Variants in TCERG1L observed in about 807,000 individuals in gnomAD.
The protein encoded by TCERG1L is transcription elongation regulator 1 like.
A neutral mutation model predicts 56.3 loss-of-function variants in TCERG1L; 37 were observed. That is an observed-to-expected ratio of 0.66 (90% CI 0.51 to 0.87). The LOEUF is 0.87. TCERG1L is among the 40% of genes least tolerant of loss of function. The probability of loss-of-function intolerance (pLI) is 0.00; values close to 1 mark genes in which losing one functional copy is unlikely to be tolerated. For missense variants in TCERG1L, 799 were observed against 774.2 expected (o/e 1.03, Z -0.38); for synonymous variants, 324 against 326.3 (o/e 0.99, Z 0.08).
chr10:131,137,735 A>G (rs1845691783), intron 7 of TCERG1L, among the ~76,000 whole-genome samples: 1 of 152,352 alleles, frequency 6.6e-6, no homozygotes, highest in South Asian at 2.1e-4. Flanking sequence ...TGTTTTGAAT[A>G]GTTTCAACAT....
At position 131,181,721 on chromosome 10, in the gene TCERG1L, C is replaced by T. The variant is rs544876222; in HGVS notation, c.857-14836G>A. 6.2e-4 allele frequency among the ~76,000 whole-genome samples: 94 copies of T among 152,350 alleles called. No individual in the cohort carries two copies. The South Asian group carries it at 0.013, about 20-fold the overall frequency. On this transcript the variant is annotated intron_variant, in intron 4 of 11. Transcript: ENST00000368642. ...GGGCCAGGAGCAGGGAGAGGCTCTC[C>T]GTGTCCCCCCTCGCCTCCTGAGCAC...
At chr10:131,220,672 G>C (rs1845721295) in intron 4 of TCERG1L, among the ~76,000 whole-genome samples, 1 of 152,178 alleles carries the variant, frequency 6.6e-6, no homozygotes, top group Admixed American at 6.5e-5. Context: ...GTAGAGAAGG[G>C]CTTGCCTGAG....
chr10:131,248,526 G>T (rs1163399599), intron 4 of TCERG1L, among the ~76,000 whole-genome samples: 1 of 152,050 alleles, frequency 6.6e-6, no homozygotes, highest in Non-Finnish European at 1.5e-5. Context: ...GTACCTTCCC[G>T]TAGCCTTGCC....
intron 3 of TCERG1L, among the ~76,000 whole-genome samples, chr10:131,306,638 A>C (rs1304172703): frequency 1.3e-5 from 2 of 152,092 alleles, no homozygotes; most frequent in Non-Finnish European, 2.9e-5. Flanking sequence ...AAATATATAC[A>C]CCTACTATGT....
rs138924982 is a variant in TCERG1L, at chr10:131,267,916, A to G, written c.671-7472T>C. Among the ~76,000 whole-genome samples, 1,502 of 152,308 alleles carry G rather than the reference A, an allele frequency of 9.9e-3. 15 individuals are homozygous for G. The highest frequency in any genetic ancestry group is 0.017 in the Non-Finnish European group (1,182 of 68,000). ...AAGTTCCCCGGGGGCCCTAGTGCTC[A>G]GGGGTGGTCCAGGGCTCCCCTTTGC... On this transcript the variant is annotated intron_variant, in intron 3 of 11. Coordinates refer to ENST00000368642, the MANE Select transcript of TCERG1L (RefSeq NM_174937.4). This position sits in a 1 kb window ranked among gnomAD's most constrained non-coding sequence, Gnocchi z 4.9.
chr10:131,230,127 C>T (rs571138150), intron 4 of TCERG1L, among the ~76,000 whole-genome samples: 136 of 152,312 alleles, frequency 8.9e-4, no homozygotes, highest in African/African-American at 3.2e-3. Context: ...CCAGAGTGCC[C>T]AGCCCGGCTC....
At chr10:131,204,979 C>T (rs1310180629) in intron 4 of TCERG1L, among the ~76,000 whole-genome samples, 1 of 152,230 alleles carries the variant, frequency 6.6e-6, no homozygotes, top group Middle Eastern at 3.4e-3. Context: ...TGGTCTAAGG[C>T]CCCTGTCCCT....
chr10:131,239,363 G>A (rs530747757), intron 4 of TCERG1L, among the ~76,000 whole-genome samples: 2 of 152,318 alleles, frequency 1.3e-5, no homozygotes, highest in African/African-American at 4.8e-5. Flanking sequence ...ATAAGAATGA[G>A]AATGAAAAGT....
chr10:131,117,743 G>A (rs1026278086), intron 8 of TCERG1L, among the ~76,000 whole-genome samples: 4 of 152,336 alleles, frequency 2.6e-5, no homozygotes, highest in African/African-American at 9.6e-5. Flanking sequence ...CGGAAGAAAT[G>A]CTAGAGGCCT....
At chr10:131,115,127 G>C (rs574245847) in intron 9 of TCERG1L, among the ~76,000 whole-genome samples, 9 of 152,224 alleles carry the variant, frequency 5.9e-5, no homozygotes, top group Admixed American at 1.3e-4. Flanking sequence ...AGACACTGCC[G>C]CCAGGGCATG....
At chr10:131,146,743 G>T in intron 6 of TCERG1L, 83 bp from the exon 7 acceptor site, 2 of 1,436,118 alleles carry the variant, frequency 1.4e-6, no homozygotes, top group Non-Finnish European at 1.9e-6. Flanking sequence ...CACTGAAAAA[G>T]CCCCTCAGGA....
At chr10:131,308,063 T>C in intron 3 of TCERG1L, 148 bp downstream of exon 3, 1 of 972,276 alleles carries the variant, frequency 1.0e-6, no homozygotes. Context: ...TAGTTTTTTT[T>C]AAAAAAGCTT....
intron 4 of TCERG1L, among the ~76,000 whole-genome samples, chr10:131,178,797 C>T (rs951647040): frequency 7.9e-5 from 12 of 152,302 alleles, no homozygotes; most frequent in Admixed American, 2.0e-4. Flanking sequence ...TCTGGCTCTC[C>T]GCACTTGAGG....
At chr10:131,105,450 A>T (rs1285639319) in intron 9 of TCERG1L, among the ~76,000 whole-genome samples, 1 of 151,868 alleles carries the variant, frequency 6.6e-6, no homozygotes, top group African/African-American at 2.4e-5. Context: ...TGGGGGGGAT[A>T]CTCCTCCAGG....
chr10:131,157,192 A>G (rs960334338), intron 6 of TCERG1L, among the ~76,000 whole-genome samples: 4 of 152,190 alleles, frequency 2.6e-5, no homozygotes, highest in African/African-American at 4.8e-5. Flanking sequence ...GACATTGTCA[A>G]CTTCCCAAAG....
At chr10:131,245,809 G>C (rs1846028229) in intron 4 of TCERG1L, among the ~76,000 whole-genome samples, 1 of 152,214 alleles carries the variant, frequency 6.6e-6, no homozygotes, top group Non-Finnish European at 1.5e-5. Context: ...CTTTGTATCA[G>C]AGCTCTGTGG....
At chr10:131,251,224 C>T (rs553487547) in intron 4 of TCERG1L, among the ~76,000 whole-genome samples, 2 of 152,354 alleles carry the variant, frequency 1.3e-5, no homozygotes, top group South Asian at 2.1e-4. Flanking sequence ...ACCACTCCCA[C>T]GCCCTTCTGC....
Position 131,267,696 on chromosome 10 carries a change from G to A in TCERG1L, c.671-7252C>T, listed in dbSNP as rs1045837928. ...AGCTGTGGCAGAGGCTCCAAGCCTC[G>A]GAGCAGGTCCTGCCCAGCCATGCAA... On this transcript the variant is annotated intron_variant, in intron 3 of 11. Coordinates refer to ENST00000368642, the MANE Select transcript of TCERG1L (RefSeq NM_174937.4). This position sits in a 1 kb window ranked among gnomAD's most constrained non-coding sequence, Gnocchi z 4.9. Among the ~76,000 whole-genome samples, 5 of 152,182 alleles carry A rather than the reference G, an allele frequency of 3.3e-5. No homozygotes were observed. The highest frequency in any genetic ancestry group is 7.3e-5 in the Non-Finnish European group (5 of 68,032).
chr10:131,244,596 C>T (rs190153032), intron 4 of TCERG1L, among the ~76,000 whole-genome samples: 59 of 152,268 alleles, frequency 3.9e-4, no homozygotes, highest in Middle Eastern at 3.4e-3. Context: ...CTCTCACTCC[C>T]TGTGGTAGCC....
Sources: gnomAD v4.1 joint callset for allele counts (sites outside exome capture counted in the v4.1 genomes callset) on GRCh38, gnomAD v4.1.1 for gene constraint, Gnocchi (gnomAD v3.1) non-coding constraint, MANE v1.5 for transcripts, NCBI Gene and HGNC (gene_info 2026-07-23, HGNC 2026-07-21) for gene names.